DIS3L: variants seen among roughly 807,000 people sequenced by gnomAD.
DIS3L encodes DIS3 like exosome 3'-5' exoribonuclease, also known as DIS3-like exonuclease 1.
DIS3L carries 100 observed loss-of-function variants against 120.3 expected under a neutral mutation model. The observed-to-expected ratio is 0.83, with a 90% CI of 0.71 to 0.98. The LOEUF (loss-of-function observed/expected upper bound fraction) is 0.98, where lower values mean the gene tolerates loss of function less well. DIS3L is among the 50% of genes least tolerant of loss of function. The probability of loss-of-function intolerance (pLI) is 0.00; values close to 1 mark genes in which losing one functional copy is unlikely to be tolerated. For missense variants in DIS3L, 1,196 were observed against 1,314.2 expected (o/e 0.91, Z 1.39); for synonymous variants, 426 against 470.6 (o/e 0.91, Z 1.23).
chr15:66,305,141 C>T (rs1224162728), intron 2 of DIS3L, among the ~76,000 whole-genome samples: 5 of 150,958 alleles, frequency 3.3e-5, no homozygotes, highest in Non-Finnish European at 7.4e-5. Context: ...GCTGGGACTA[C>T]AGGCACCCAC....
At chr15:66,314,200 C>T (rs2140363585) in intron 6 of DIS3L, 83 bp downstream of exon 6, 2 of 1,163,180 alleles carry the variant, frequency 1.7e-6, no homozygotes, top group Non-Finnish European at 2.3e-6. Context: ...TTGAAATTGT[C>T]ATGTCATATG....
At position 66,320,052 on chromosome 15, in the gene DIS3L, A is replaced by G. The variant is rs373404480; in HGVS notation, c.1165-519A>G. Among the ~76,000 whole-genome samples, 6 of 151,720 alleles carry G rather than the reference A, an allele frequency of 4.0e-5. No homozygotes were observed. In the East Asian group the frequency reaches 5.8e-4, roughly 15 times the overall value. On this transcript the variant is annotated intron_variant, in intron 8 of 16. Transcript: ENST00000319212. ...GGCAGGAGGATCACTTGAACCCGGG[A>G]GGCATAGGCTGCAGTGAGCCAAGAT...
chr15:66,330,847 G>A (rs972474060), intron 14 of DIS3L, among the ~76,000 whole-genome samples: 1 of 152,286 alleles, frequency 6.6e-6, no homozygotes, highest in Non-Finnish European at 1.5e-5. Context: ...GAGCCAAAAG[G>A]TGTGCATGCA....
chr15:66,294,591 C>T, intron 1 of DIS3L: 4 of 943,876 alleles, frequency 4.2e-6, no homozygotes, highest in Non-Finnish European at 5.1e-6. Flanking sequence ...CGTGCAGAAG[C>T]TTGACACAGA....
At chr15:66,323,624 C>T (rs776601640) in intron 11 of DIS3L, 39 bp downstream of exon 11, 1 of 1,597,350 alleles carries the variant, frequency 6.3e-7, no homozygotes. Context: ...TTGTCCTGGC[C>T]CTTCTGTGGC....
At chr15:66,329,594 A>AT (rs934910302) in intron 14 of DIS3L, 195 bp downstream of exon 14, 21,984 of 918,404 alleles carry the variant, frequency 0.024, no homozygotes, top group East Asian at 0.039. Flanking sequence ...AGATTATCAG[A>AT]TTTTTTTTTT....
At chr15:66,312,008 AC>A (rs1476644789) in intron 5 of DIS3L, 108 bp downstream of exon 5, 4 of 1,311,898 alleles carry the variant, frequency 3.0e-6, no homozygotes, top group African/African-American at 1.5e-5. Flanking sequence ...GGAGCTGGAG[AC>A]CAGACTGGGC....
chr15:66,294,188 C>A, intron 1 of DIS3L: 1 of 985,646 alleles, frequency 1.0e-6, no homozygotes, highest in Non-Finnish European at 1.2e-6. Context: ...TCCTGACCTG[C>A]CCGCACTGTT....
intron 7 of DIS3L, among the ~76,000 whole-genome samples, chr15:66,316,528 G>A (rs2092818668): frequency 6.6e-6 from 1 of 152,086 alleles, no homozygotes; most frequent in Non-Finnish European, 1.5e-5. Flanking sequence ...TTCAGAAAGT[G>A]AGTTGAGCTG....
intron 2 of DIS3L, among the ~76,000 whole-genome samples, chr15:66,295,595 A>G (rs2092577761): frequency 6.6e-6 from 1 of 152,234 alleles, no homozygotes; most frequent in Non-Finnish European, 1.5e-5. Flanking sequence ...GATTTATTCA[A>G]TGAAACCAGA....
intron 2 of DIS3L, among the ~76,000 whole-genome samples, chr15:66,296,631 C>T (rs764040801): frequency 6.6e-6 from 1 of 151,132 alleles, no homozygotes; most frequent in Non-Finnish European, 1.5e-5. Flanking sequence ...TCAAGTGATT[C>T]TCCTGCCTCA....
intron 9 of DIS3L, 67 bp from the exon 10 acceptor site, chr15:66,322,620 A>G: frequency 6.3e-7 from 1 of 1,591,678 alleles, no homozygotes; most frequent in Non-Finnish European, 8.6e-7. Context: ...TACTGAGAAT[A>G]TTAGTGAGTG....
chr15:66,333,182 A>G lies in DIS3L; in HGVS notation c.3035A>G (p.Glu1012Gly), dbSNP rs1292618320. The stretch of plus-strand genomic sequence containing the variant: ...GTGGAAGAAGCTCAGCTTGCCCAAG[A>G]AGTCAAAGTAAACATCATTCAGGAG... ...KSVEEAQLAQ[E>G]VKVNIIQEEY... The change falls in exon 17 of 17, where the codon GAA becomes GGA. Residue 1012 changes from glutamate to glycine, a missense_variant. By Grantham distance (98) the Glu-to-Gly change is moderately conservative. Transcript: ENST00000319212. The G allele has an allele frequency of 1.2e-6, 2 of 1,614,120 alleles. No individual in the cohort carries two copies. Among genetic ancestry groups the G allele is most frequent in the Non-Finnish European group, 8.5e-7 (1 of 1,180,038 alleles).
chr15:66,333,530 A>AC lies in DIS3L; in HGVS notation c.*220dup. The stretch of plus-strand genomic sequence containing the variant: ...CGGATCACGAGGTCAGGAGATTGAG[A>AC]CCATCCTGGCTAACACGGTGAAACC... On this transcript the variant is annotated 3_prime_UTR_variant, in exon 17 of 17. Transcript: ENST00000319212. 1 of 408,644 alleles carries AC rather than the reference A, an allele frequency of 2.4e-6. No homozygotes were observed. Among genetic ancestry groups the AC allele is most frequent in the South Asian group, 3.3e-5 (1 of 30,384 alleles). 25.3% of individuals were successfully genotyped at this position (408,644 alleles called of 1,614,324 possible).
At chr15:66,307,457 A>G (rs2092713342) in intron 3 of DIS3L, among the ~76,000 whole-genome samples, 1 of 151,802 alleles carries the variant, frequency 6.6e-6, no homozygotes, top group Admixed American at 6.6e-5. Context: ...AGCTGCCACC[A>G]CACTTAGCTA....
upstream of DIS3L, chr15:66,293,372 G>C: frequency 1.2e-6 from 1 of 805,728 alleles, no homozygotes; most frequent in Admixed American, 5.0e-5. Context: ...TCTGGGGTAG[G>C]TCGTTTCCAC....
At chr15:66,294,913 C>A in intron 1 of DIS3L, 75 bp from the exon 2 acceptor site, 1 of 1,417,380 alleles carries the variant, frequency 7.1e-7, no homozygotes, top group Non-Finnish European at 9.6e-7. Flanking sequence ...TTTTGCATGC[C>A]AGAGCACCGT....
chr15:66,303,402 A>G (rs2092668145), intron 2 of DIS3L, among the ~76,000 whole-genome samples: 1 of 152,172 alleles, frequency 6.6e-6, no homozygotes, highest in Non-Finnish European at 1.5e-5. Context: ...GTAGGACACT[A>G]TTCAGATGCA....
At chr15:66,313,275 T>TGAGCCACCGTGCC (rs2092781055) in intron 5 of DIS3L, among the ~76,000 whole-genome samples, 1 of 152,272 alleles carries the variant, frequency 6.6e-6, no homozygotes, top group South Asian at 2.1e-4. Flanking sequence ...ATTACAGGCG[T>TGAGCCACCGTGCC]GAGCCACCGT....
Sources: gnomAD v4.1 joint callset for allele counts (sites outside exome capture counted in the v4.1 genomes callset) on GRCh38, gnomAD v4.1.1 for gene constraint, MANE v1.5 for transcripts, NCBI Gene and HGNC (gene_info 2026-07-23, HGNC 2026-07-21) for gene names.